VPS8: variants seen among roughly 807,000 people sequenced by gnomAD.
The protein encoded by VPS8 is VPS8 subunit of CORVET complex.
In VPS8, 129 loss-of-function variants were observed where a neutral mutation model predicts 216.4. The observed-to-expected ratio is 0.60, with a 90% confidence interval of 0.52 to 0.69. VPS8 has a LOEUF of 0.69. Ranked by LOEUF, VPS8 falls within the 30% of genes least tolerant of loss-of-function variation. The probability of loss-of-function intolerance (pLI) is 0.00; values close to 1 mark genes in which losing one functional copy is unlikely to be tolerated. For missense variants in VPS8, 1,531 were observed against 1,683.5 expected, an observed-to-expected ratio of 0.91 and a Z score of 1.59; for synonymous variants, 571 against 565.4, an observed-to-expected ratio of 1.01 and a Z score of -0.14.
At chr3:184,860,289 G>T (rs575107966) in intron 15 of VPS8, among the ~76,000 whole-genome samples, 1 of 151,462 alleles carries the variant, frequency 6.6e-6, no homozygotes, top group African/African-American at 2.4e-5. Context: ...CTCAGTGATC[G>T]CTCCTGTGAC....
chr3:184,969,055 T>G (rs1159776143), intron 39 of VPS8, among the ~76,000 whole-genome samples: 2 of 152,218 alleles, frequency 1.3e-5, no homozygotes, highest in Admixed American at 6.5e-5. Flanking sequence ...ATGTGTTTAG[T>G]CAATTTGGTT....
Position 184,832,821 on chromosome 3 carries a change from TAGGTATTC to T in VPS8, c.353+4_353+11del. The T allele has an allele frequency of 6.2e-7, 1 of 1,606,000 alleles. No individual in the cohort carries two copies. Among genetic ancestry groups the T allele is most frequent in the Non-Finnish European group, 8.5e-7 (1 of 1,175,936 alleles). ...TGGTGACAGGACCAACTTAAAAAGG[TAGGTATTC>T]ATGTCAATCATACTTGCTTACAGTT... On this transcript the variant is annotated splice_donor_5th_base_variant and intron_variant, in intron 4 of 47. Coordinates refer to ENST00000625842, the MANE Select transcript of VPS8 (RefSeq NM_001009921.3).
Position 184,920,182 on chromosome 3 carries a change from T to G in VPS8, c.2438T>G (p.Val813Gly). 6.6e-7 allele frequency: 1 copy of G among 1,524,304 alleles called. No individual in the cohort carries two copies. The allele number at this position is 1,524,304 out of a possible 1,614,324, so 94.4% of individuals were successfully genotyped here. A position where few individuals can be genotyped will look rare whatever the true frequency, so the allele number is the denominator to read the frequency against. ...KQAVEYQQRI[V>G]DILLKVMVEN... ...GCTGTGGAATATCAACAGCGAATTGTGGATATTTTGTTGAAAGTAAGTATT... is the reference window on the plus strand; with the variant it reads ...GCTGTGGAATATCAACAGCGAATTGGGGATATTTTGTTGAAAGTAAGTATT... The change falls in exon 29 of 48, where the codon GTG becomes GGG. Residue 813 changes from valine to glycine, a missense_variant. By Grantham distance (109) the Val-to-Gly change is moderately radical. Transcript: ENST00000625842.
At chr3:184,837,045 T>C (rs1721226496) in intron 5 of VPS8, among the ~76,000 whole-genome samples, 1 of 152,232 alleles carries the variant, frequency 6.6e-6, no homozygotes, top group South Asian at 2.1e-4. Context: ...CCTAGGGTAC[T>C]GATTAAATTG....
At chr3:184,831,343 G>A (rs1270775340) in intron 3 of VPS8, among the ~76,000 whole-genome samples, 1 of 152,208 alleles carries the variant, frequency 6.6e-6, no homozygotes, top group African/African-American at 2.4e-5. Context: ...GATGCCTGGA[G>A]AACAAGAACA....
intron 20 of VPS8, 23 bp downstream of exon 20, chr3:184,869,551 T>C (rs1727965935): frequency 1.9e-6 from 3 of 1,611,644 alleles, no homozygotes; most frequent in Non-Finnish European, 2.5e-6. Flanking sequence ...AGAGGGTCTT[T>C]ACTAGAATAC....
intron 46 of VPS8, among the ~76,000 whole-genome samples, chr3:185,029,991 C>T (rs1376423748): frequency 6.6e-6 from 1 of 152,120 alleles, no homozygotes; most frequent in East Asian, 1.9e-4. Context: ...TCTTAGTGGG[C>T]TCTAATTGAT....
At chr3:184,896,340 C>T (rs1733468775) in intron 23 of VPS8, among the ~76,000 whole-genome samples, 2 of 152,138 alleles carry the variant, frequency 1.3e-5, no homozygotes, top group Non-Finnish European at 2.9e-5. Flanking sequence ...TCTTTCCCCA[C>T]TACCATGTAA....
chr3:184,941,884 T>C (rs1041216050), intron 36 of VPS8, among the ~76,000 whole-genome samples: 1 of 151,846 alleles, frequency 6.6e-6, no homozygotes, highest in Non-Finnish European at 1.5e-5. Flanking sequence ...AAAGTGATGG[T>C]GACCAAGTAT....
intron 5 of VPS8, among the ~76,000 whole-genome samples, chr3:184,838,277 G>C (rs766152522): frequency 6.6e-6 from 1 of 152,158 alleles, no homozygotes; most frequent in Non-Finnish European, 1.5e-5. Flanking sequence ...GGTTTATTTA[G>C]AGGTTATTAG....
intron 36 of VPS8, among the ~76,000 whole-genome samples, chr3:184,956,575 C>T (rs955642436): frequency 6.6e-6 from 1 of 152,148 alleles, no homozygotes; most frequent in Non-Finnish European, 1.5e-5. Flanking sequence ...TCAGAAGGAA[C>T]TAAGTTCTTT....
chr3:184,965,890 A>G lies in VPS8; in HGVS notation c.3274-781A>G, dbSNP rs552000059. On this transcript the variant is annotated intron_variant, in intron 38 of 47. Coordinates refer to ENST00000625842, the MANE Select transcript of VPS8 (RefSeq NM_001009921.3). Reference sequence around the variant, plus strand: ...TTGAGAAGTTATTGATCATTTGCATATGGTATGAGGTAACTGAGAGGAAGT... The same window carrying G: ...TTGAGAAGTTATTGATCATTTGCATGTGGTATGAGGTAACTGAGAGGAAGT... 1.1e-4 allele frequency among the ~76,000 whole-genome samples: 17 copies of G among 152,308 alleles called. No homozygotes were observed. In the South Asian group the frequency reaches 2.7e-3, roughly 24 times the overall value.
At chr3:184,942,403 A>G (rs566405558) in intron 36 of VPS8, among the ~76,000 whole-genome samples, 3 of 152,142 alleles carry the variant, frequency 2.0e-5, no homozygotes, top group Non-Finnish European at 4.4e-5. Flanking sequence ...TGTCATATCA[A>G]TTCAGGCGCA....
intron 45 of VPS8, among the ~76,000 whole-genome samples, chr3:185,012,995 TAC>T (rs1422738411): frequency 6.6e-6 from 1 of 152,208 alleles, no homozygotes; most frequent in Non-Finnish European, 1.5e-5. Flanking sequence ...AAGCATTTCC[TAC>T]AGGAAATAAA....
intron 45 of VPS8, among the ~76,000 whole-genome samples, chr3:185,000,857 G>A (rs1015502516): frequency 1.2e-4 from 18 of 152,142 alleles, no homozygotes; most frequent in Admixed American, 4.6e-4. Context: ...TGCCCGCCTC[G>A]GCCTCCCAAA....
intron 35 of VPS8, among the ~76,000 whole-genome samples, chr3:184,936,560 T>TGTGTGTGTGTGTGTGG (rs1002254750): frequency 6.7e-6 from 1 of 148,414 alleles, no homozygotes; most frequent in Non-Finnish European, 1.5e-5. Flanking sequence ...TGTGTGTGTG[T>TGTGTGTGTGTGTGTGG]GGTTGGGAGC....
At chr3:184,843,195 T>C in intron 7 of VPS8, 45 bp from the exon 8 acceptor site, 8 of 1,398,890 alleles carry the variant, frequency 5.7e-6, no homozygotes, top group Non-Finnish European at 7.5e-6. Context: ...ACTGATTTCT[T>C]GCTTTTCTTT....
chr3:184,820,862 GTTATAA>G (rs1560249611), intron 1 of VPS8, among the ~76,000 whole-genome samples: 3 of 152,154 alleles, frequency 2.0e-5, no homozygotes, highest in Admixed American at 6.5e-5. Flanking sequence ...AGACACTTCT[GTTATAA>G]TTAAAGTTTT....
chr3:184,930,402 G>A (rs1740463603), intron 33 of VPS8, 68 bp from the exon 34 acceptor site: 2 of 1,078,190 alleles, frequency 1.9e-6, no homozygotes, highest in African/African-American at 1.6e-5. Context: ...TACCAAGACT[G>A]GTTCAGTTGG....
Sources: allele counts gnomAD v4.1 joint callset (sites outside exome capture counted in the v4.1 genomes callset), GRCh38; gene constraint gnomAD v4.1.1; transcripts MANE v1.5; gene names NCBI Gene and HGNC (gene_info 2026-07-23, HGNC 2026-07-21).